SMC3: variants seen among roughly 807,000 people sequenced by gnomAD.
SMC3 encodes the protein structural maintenance of chromosomes 3, also known as structural maintenance of chromosomes protein 3.
Under a neutral mutation model 171.8 loss-of-function variants are expected in SMC3, and 20 were observed. The ratio of observed to expected loss-of-function variants is 0.12; its 90% CI spans 0.08 to 0.17. SMC3 has a LOEUF of 0.17. SMC3 is among the 10% of genes least tolerant of loss of function. The pLI, the probability that SMC3 is intolerant of heterozygous loss-of-function variation, is 1.00. For synonymous variants in SMC3, 464 were observed against 451.1 expected (o/e 1.03, Z -0.36); for missense variants, 543 against 1,420.4 (o/e 0.38, Z 9.93).
intron 21 of SMC3, among the ~76,000 whole-genome samples, 163 bp from the exon 22 acceptor site, chr10:110,600,276 A>T (rs1210187597): frequency 1.3e-5 from 2 of 152,244 alleles, no homozygotes; most frequent in Admixed American, 1.3e-4. Context: ...TTATGAATTG[A>T]TAAGAGAAAA....
intron 28 of SMC3, 137 bp from the exon 29 acceptor site, chr10:110,604,094 C>CGA: frequency 4.4e-6 from 1 of 225,288 alleles, no homozygotes. Flanking sequence ...GACTCCATCT[C>CGA]AAAAAAAAAA....
Position 110,605,931 on chromosome 10 carries a change from A to G in SMC3, c.*1629A>G, listed in dbSNP as rs1473526002. Reference sequence around the variant, plus strand: ...CAGGATTCAATTCAAGGGATGTTACAAACATAACATCATTCTAGAACTTCT... The same window carrying G: ...CAGGATTCAATTCAAGGGATGTTACGAACATAACATCATTCTAGAACTTCT... On this transcript the variant is annotated 3_prime_UTR_variant, in exon 29 of 29. Coordinates refer to ENST00000361804, the MANE Select transcript of SMC3 (RefSeq NM_005445.4). 1.3e-5 allele frequency among the ~76,000 whole-genome samples: 2 copies of G among 152,220 alleles called. No homozygotes were observed. Among genetic ancestry groups the G allele is most frequent in the South Asian group, 2.1e-4 (1 of 4,836 alleles).
intron 17 of SMC3, among the ~76,000 whole-genome samples, chr10:110,592,032 G>T (rs188986981): frequency 6.2e-4 from 95 of 152,246 alleles, no homozygotes; most frequent in African/African-American, 2.2e-3. Flanking sequence ...GGGAGGGGGA[G>T]GTGGGCGGAT....
intron 6 of SMC3, 147 bp downstream of exon 6, chr10:110,578,061 A>G (rs1860979306): frequency 3.1e-6 from 2 of 647,348 alleles, no homozygotes; most frequent in Admixed American, 2.6e-5. Context: ...GACATGAGCC[A>G]CCACGCCCAG....
intron 1 of SMC3, 130 bp downstream of exon 1, chr10:110,567,961 T>G (rs1323365785): frequency 3.4e-6 from 4 of 1,169,058 alleles, no homozygotes; most frequent in Non-Finnish European, 5.0e-6. Flanking sequence ...GCGGGGACTG[T>G]GGGGGAGGAG....
At chr10:110,591,879 A>G (rs1861209948) in intron 17 of SMC3, among the ~76,000 whole-genome samples, 1 of 152,204 alleles carries the variant, frequency 6.6e-6, no homozygotes, top group Admixed American at 6.5e-5. Flanking sequence ...AGTTTGGGTA[A>G]GAAAAATTGA....
Position 110,575,406 on chromosome 10 carries a change from G to A in SMC3, c.198+3G>A, listed in dbSNP as rs533706811. The A allele has an allele frequency of 6.0e-5, 96 of 1,603,442 alleles. 2 individuals are homozygous for A. The South Asian group carries it at 1.0e-3, about 17-fold the overall frequency. ...AACAGCGGTTGGCTTTATTGCATGTGAGTGAGACTGCTTTAAGACATTATT... is the reference window on the plus strand; with the variant it reads ...AACAGCGGTTGGCTTTATTGCATGTAAGTGAGACTGCTTTAAGACATTATT... On this transcript the variant is annotated splice_donor_region_variant and intron_variant, in intron 4 of 28. Transcript: ENST00000361804.
At position 110,578,613 on chromosome 10, in the gene SMC3, A is replaced by G. The variant is rs1046945195; in HGVS notation, c.351-15A>G. 3 of 1,592,158 alleles carry G rather than the reference A, an allele frequency of 1.9e-6. No individual in the cohort carries two copies. The African/African-American group carries it at 4.0e-5, about 21-fold the overall frequency. ...AAATTATTTATCGGAAAGTAATTTC[A>G]TTGTTTGTCAACAGGAAAAATGATG... On this transcript the variant is annotated splice_polypyrimidine_tract_variant and intron_variant, in intron 6 of 28. Coordinates refer to ENST00000361804, the MANE Select transcript of SMC3 (RefSeq NM_005445.4).
In SMC3 at chr10:110,590,401, A is replaced by AAATGAAATG; in HGVS notation, c.1510-11_1510-10insAATGAAATG. On this transcript the variant is annotated splice_polypyrimidine_tract_variant and intron_variant, in intron 15 of 28. Coordinates refer to ENST00000361804, the MANE Select transcript of SMC3 (RefSeq NM_005445.4). ...ATTATTTTAATATTTTTCATTTCTG[A>AAATGAAATG]CAACTTACAGGCCATTTTAAATGGA... is the stretch of plus-strand genomic sequence containing the variant. The AAATGAAATG allele has an allele frequency of 6.2e-7, 1 of 1,611,878 alleles. No homozygotes were observed. The highest frequency in any genetic ancestry group is 8.5e-7 in the Non-Finnish European group (1 of 1,178,048).
Position 110,589,608 on chromosome 10 carries a change from C to A in SMC3, c.1309C>A (p.Leu437Met). 1 of 1,588,372 alleles carries A rather than the reference C, an allele frequency of 6.3e-7. No homozygotes were observed. The highest frequency in any genetic ancestry group is 8.6e-7 in the Non-Finnish European group (1 of 1,157,544). The change falls in exon 14 of 29, where the codon CTG becomes ATG. Residue 437 changes from leucine to methionine, a missense_variant. Around this residue, in one of 8 missense-constraint regions of SMC3, gnomAD observed 218 missense variants for 509.6 expected, o/e 0.43. Transcript: ENST00000361804. ...AAATTTATTTTTATTTCCATAGAAA[C>A]TGGACCAGGATCTTAATGAAGTCAA... Reference protein sequence around the residue: ...KEKNLEQYNKLDQDLNEVKAR... With the variant: ...KEKNLEQYNKMDQDLNEVKAR...
At chr10:110,573,815 T>A in intron 3 of SMC3, 70 bp downstream of exon 3, 1 of 1,060,218 alleles carries the variant, frequency 9.4e-7, no homozygotes, top group Non-Finnish European at 1.5e-6. Flanking sequence ...TTAAAATCAT[T>A]AATTTTCTGA....
intron 27 of SMC3, 81 bp downstream of exon 27, chr10:110,603,083 C>T: frequency 1.9e-6 from 3 of 1,559,082 alleles, no homozygotes; most frequent in Non-Finnish European, 2.7e-6. Context: ...AAAAATCAAA[C>T]TCAGGCAGTT....
In SMC3 at chr10:110,584,288, C is replaced by T. The variant is rs1346764807; in HGVS notation, c.1197C>T (p.Leu399=). The T allele has an allele frequency of 1.2e-6, 2 of 1,613,800 alleles. No homozygotes were observed. Among genetic ancestry groups the T allele is most frequent in the Non-Finnish European group, 1.7e-6 (2 of 1,179,744 alleles). ...GGGATAAGTGGATTAAAAAGGAACT[C>T]AAGTCTTTAGATCAGGCTATTAATG... ...EERDKWIKKE[L]KSLDQAINDK... The change falls in exon 13 of 29, where the codon CTC becomes CTT. Residue 399 remains leucine, a synonymous_variant. Transcript: ENST00000361804.
Position 110,583,539 on chromosome 10 carries a change from T to G in SMC3, c.960T>G (p.Ser320Arg). 1 of 1,614,010 alleles carries G rather than the reference T, an allele frequency of 6.2e-7. No homozygotes were observed. Among genetic ancestry groups the G allele is most frequent in the South Asian group, 1.1e-5 (1 of 91,074 alleles). Residue 320 changes from serine to arginine, a missense_variant, in exon 11 of 29, where the codon AGT becomes AGG. Ser to Arg is a moderately radical substitution (Grantham distance 110, BLOSUM62 -1). This residue lies in a region of SMC3 where 146 missense variants were observed against 437.9 expected (regional missense o/e 0.33). Coordinates refer to ENST00000361804, the MANE Select transcript of SMC3 (RefSeq NM_005445.4). ...TACAAGATGAACTAGCAGGCAATAG[T>G]GAACAAAGGGTAAGTTAAAATGCTA... ...KDLQDELAGN[S>R]EQRKRLLKER...
At chr10:110,578,408 A>G (rs1860987305) in intron 6 of SMC3, among the ~76,000 whole-genome samples, 3 of 152,232 alleles carry the variant, frequency 2.0e-5, no homozygotes. Context: ...AGTAAAAAGT[A>G]TTCTTTTACC....
Position 110,591,149 on chromosome 10 carries a change from T to C in SMC3, c.1812+17T>C. The C allele has an allele frequency of 6.2e-7, 1 of 1,611,290 alleles. No individual in the cohort carries two copies. The highest frequency in any genetic ancestry group is 8.5e-7 in the Non-Finnish European group (1 of 1,177,936). ...GAAACCAATGTGAGTCATTGTGTGA[T>C]AAGGTGTATTTCTCTTTTATAATGT... On this transcript the variant is annotated intron_variant, in intron 17 of 28. Coordinates refer to ENST00000361804, the MANE Select transcript of SMC3 (RefSeq NM_005445.4).
At chr10:110,601,229 ATT>A in intron 23 of SMC3, 99 bp downstream of exon 23, 1 of 901,988 alleles carries the variant, frequency 1.1e-6, no homozygotes, top group Non-Finnish European at 1.8e-6. Flanking sequence ...TATGCTAATG[ATT>A]TTTTGTTTTC....
At chr10:110,574,210 AATC>A (rs1237381675) in intron 3 of SMC3, among the ~76,000 whole-genome samples, 1 of 152,234 alleles carries the variant, frequency 6.6e-6, no homozygotes, top group Non-Finnish European at 1.5e-5. Context: ...TTTCTAAACC[AATC>A]ATCTTTGTAA....
intron 12 of SMC3, 32 bp downstream of exon 12, chr10:110,583,994 C>T (rs1462064854): frequency 1.2e-6 from 2 of 1,610,732 alleles, no homozygotes; most frequent in Non-Finnish European, 8.5e-7. Context: ...CTTTAACTTT[C>T]TACATCATAT....
Sources: allele counts gnomAD v4.1 joint callset (sites outside exome capture counted in the v4.1 genomes callset), GRCh38; gene constraint gnomAD v4.1.1; regional missense constraint gnomAD v4.1.1; transcripts MANE v1.5; gene names NCBI Gene and HGNC (gene_info 2026-07-23, HGNC 2026-07-21).